Variants in DIP2B observed in about 807,000 individuals in gnomAD.
DIP2B encodes the protein disco-interacting protein 2 homolog B.
Under a neutral mutation model 198.0 loss-of-function variants are expected in DIP2B, and 76 were observed. The observed-to-expected ratio is 0.38, with a 90% CI of 0.32 to 0.46. DIP2B has a LOEUF of 0.46. Ranked by LOEUF, DIP2B falls within the 20% of genes least tolerant of loss-of-function variation. DIP2B has a pLI of 0.99. For synonymous variants in DIP2B, 701 were observed against 739.1 expected (o/e 0.95, Z 0.84); for missense variants, 1,559 against 1,978.4 (o/e 0.79, Z 4.02).
chr12:50,633,159 T>A (rs971293088), intron 2 of DIP2B: 54 of 152,168 alleles, frequency 3.5e-4, no homozygotes, highest in African/African-American at 1.3e-3. Context: ...ATACTTCTTT[T>A]CTCAAATGTT....
intron 12 of DIP2B, among the ~76,000 whole-genome samples, chr12:50,687,915 TAGAAA>T (rs936324205): frequency 3.5e-5 from 5 of 141,304 alleles, no homozygotes; most frequent in African/African-American, 1.3e-4. Flanking sequence ...AAAAAAAAAA[TAGAAA>T]AGAGAGGCTG....
At chr12:50,593,744 TCC>T (rs1593637930) in intron 1 of DIP2B, among the ~76,000 whole-genome samples, 5 of 620 alleles carry the variant, frequency 8.1e-3, no homozygotes, top group Non-Finnish European at 0.01. Context: ...TCCTCTCCTC[TCC>T]CCTCCCCTCC....
chr12:50,599,888 ATTG>A (rs1194631265), intron 1 of DIP2B, among the ~76,000 whole-genome samples: 1 of 152,018 alleles, frequency 6.6e-6, no homozygotes, highest in Non-Finnish European at 1.5e-5. Flanking sequence ...GATCTTTTGT[ATTG>A]TTTTGCTCTT....
chr12:50,738,522 C>T (rs988960838), intron 35 of DIP2B, among the ~76,000 whole-genome samples: 10 of 152,090 alleles, frequency 6.6e-5, no homozygotes, highest in African/African-American at 2.4e-4. Flanking sequence ...ATTGCTCTGT[C>T]ACCCAGGCTG....
chr12:50,714,361 A>G, intron 22 of DIP2B, 34 bp from the exon 23 acceptor site: 1 of 1,611,864 alleles, frequency 6.2e-7, no homozygotes, highest in South Asian at 1.1e-5. Flanking sequence ...AATAGAAGTG[A>G]TCTCACTGAG....
intron 7 of DIP2B, 106 bp from the exon 8 acceptor site, chr12:50,678,573 C>A: frequency 8.1e-7 from 1 of 1,239,836 alleles, no homozygotes; most frequent in Non-Finnish European, 1.1e-6. Flanking sequence ...TGAGTTTAAA[C>A]CAGGTAAATA....
At chr12:50,631,383 C>G (rs1195810811) in intron 2 of DIP2B, among the ~76,000 whole-genome samples, 2 of 152,076 alleles carry the variant, frequency 1.3e-5, no homozygotes, top group Non-Finnish European at 2.9e-5. Flanking sequence ...CCTGCCACCA[C>G]ACTCGGCTAA....
At chr12:50,666,315 C>A (rs533597267) in intron 4 of DIP2B, among the ~76,000 whole-genome samples, 38 of 152,266 alleles carry the variant, frequency 2.5e-4, no homozygotes, top group African/African-American at 9.1e-4. Context: ...ATTTTTAGTT[C>A]ACTCAACAGT....
intron 12 of DIP2B, among the ~76,000 whole-genome samples, chr12:50,687,778 T>C (rs990936241): frequency 4.6e-5 from 7 of 151,910 alleles, no homozygotes; most frequent in Admixed American, 4.6e-4. Context: ...AAATACCTAA[T>C]GCATGCGGGG....
At chr12:50,525,550 T>C (rs1958156314) in intron 1 of DIP2B, among the ~76,000 whole-genome samples, 1 of 147,574 alleles carries the variant, frequency 6.8e-6, no homozygotes. Context: ...TCTCACTCTC[T>C]CATCCAGGCT....
chr12:50,516,233 CTCTCTCTCTCTCTA>C (rs1479822170), intron 1 of DIP2B, among the ~76,000 whole-genome samples: 3 of 149,016 alleles, frequency 2.0e-5, no homozygotes, highest in East Asian at 4.0e-4. Context: ...CTCTCTCTCT[CTCTCTCTCTCTCTA>C]TCTCTATCTC....
chr12:50,645,728 G>C (rs912689854), intron 3 of DIP2B, among the ~76,000 whole-genome samples: 7 of 152,202 alleles, frequency 4.6e-5, no homozygotes, highest in Non-Finnish European at 8.8e-5. Context: ...CCCAAGTGCT[G>C]GGATTACAGT....
At chr12:50,545,269 A>G (rs973257548) in intron 1 of DIP2B, among the ~76,000 whole-genome samples, 11 of 151,808 alleles carry the variant, frequency 7.2e-5, no homozygotes, top group Admixed American at 5.9e-4. Flanking sequence ...TGAGAGTTCC[A>G]TTTCTTCCTG....
chr12:50,591,436 A>G (rs1958817419), intron 1 of DIP2B, among the ~76,000 whole-genome samples: 1 of 151,224 alleles, frequency 6.6e-6, no homozygotes, highest in South Asian at 2.1e-4. Context: ...CAAATTATGC[A>G]TGATAATTTT....
chr12:50,552,081 T>G (rs1006398754), intron 1 of DIP2B, among the ~76,000 whole-genome samples: 4 of 152,192 alleles, frequency 2.6e-5, no homozygotes, highest in Non-Finnish European at 5.9e-5. Context: ...ACTTGTTGTT[T>G]TTTAAAATAG....
chr12:50,705,224 C>G (rs1351382364), intron 20 of DIP2B, among the ~76,000 whole-genome samples: 1 of 152,202 alleles, frequency 6.6e-6, no homozygotes, highest in East Asian at 1.9e-4. Context: ...TTCTTTTCCA[C>G]TTAACATCTT....
chr12:50,565,930 G>A (rs986361834), intron 1 of DIP2B, among the ~76,000 whole-genome samples: 1 of 151,712 alleles, frequency 6.6e-6, no homozygotes, highest in Non-Finnish European at 1.5e-5. Context: ...TATATGTCTC[G>A]AAATTTATCC....
At position 50,722,237 on chromosome 12, in the gene DIP2B, T is replaced by G. The variant is rs202114060; in HGVS notation, c.3166+841T>G. ...CACTTCATATTGTTCTGTGATTTTT[T>G]TTTGTTTGTTTGTTTGTTTATTTTA... On this transcript the variant is annotated intron_variant, in intron 26 of 37. Coordinates refer to ENST00000301180, the MANE Select transcript of DIP2B (RefSeq NM_173602.3). 2.7e-3 allele frequency among the ~76,000 whole-genome samples: 362 copies of G among 136,034 alleles called. 1 individual carries two copies. The highest frequency in any genetic ancestry group is 9.2e-3 in the East Asian group (25 of 2,724). 89.2% of individuals were successfully genotyped at this position (136,034 alleles called of 152,430 possible).
chr12:50,650,158 C>T (rs111681849), intron 3 of DIP2B, among the ~76,000 whole-genome samples: 9 of 151,780 alleles, frequency 5.9e-5, no homozygotes, highest in African/African-American at 1.9e-4. Flanking sequence ...TGCAGTGAGC[C>T]AAGATCATGC....
Sources: gnomAD v4.1 joint callset for allele counts (sites outside exome capture counted in the v4.1 genomes callset) on GRCh38, gnomAD v4.1.1 for gene constraint, MANE v1.5 for transcripts, NCBI Gene and HGNC (gene_info 2026-07-23, HGNC 2026-07-21) for gene names.